URI1: variants seen among roughly 807,000 people sequenced by gnomAD.
The protein encoded by URI1 is URI1 prefoldin like chaperone.
URI1 carries 39 observed loss-of-function variants against 60.2 expected under a neutral mutation model. The observed-to-expected ratio is 0.65, with a 90% confidence interval of 0.50 to 0.85. The LOEUF (loss-of-function observed/expected upper bound fraction) is 0.85, where lower values mean the gene tolerates loss of function less well. URI1 is among the 40% of genes least tolerant of loss of function. The pLI is 0.00. For synonymous variants in URI1, 251 were observed against 236.8 expected (o/e 1.06, Z -0.55); for missense variants, 691 against 665.9 (o/e 1.04, Z -0.42).
chr19:29,964,199 T>A (rs1327545606), intron 1 of URI1, among the ~76,000 whole-genome samples: 2 of 152,152 alleles, frequency 1.3e-5, no homozygotes, highest in Admixed American at 1.3e-4. Flanking sequence ...TCCACAGTTC[T>A]CCCCTCTCTG....
chr19:29,936,247 G>A (rs543070623), intron 1 of URI1, among the ~76,000 whole-genome samples: 2 of 152,114 alleles, frequency 1.3e-5, no homozygotes, highest in African/African-American at 4.8e-5. Flanking sequence ...AGGATTACAG[G>A]TGCCCACCAC....
intron 1 of URI1, among the ~76,000 whole-genome samples, chr19:29,926,874 C>G (rs562091665): frequency 2.4e-4 from 36 of 152,260 alleles, no homozygotes; most frequent in African/African-American, 8.4e-4. Flanking sequence ...CAAGGGATGA[C>G]GTGCCTGTCT....
At chr19:29,949,014 C>G (rs2055139279) in intron 1 of URI1, among the ~76,000 whole-genome samples, 1 of 142,274 alleles carries the variant, frequency 7.0e-6, no homozygotes, top group Admixed American at 6.9e-5. Flanking sequence ...GGGCTGCCCC[C>G]CGCCTCCCTC....
At chr19:30,001,112 T>C (rs1363143923) in intron 4 of URI1, among the ~76,000 whole-genome samples, 6 of 151,836 alleles carry the variant, frequency 4.0e-5, no homozygotes, top group Non-Finnish European at 5.9e-5. Context: ...TCCATGTTTC[T>C]TTTTTCTTCT....
chr19:29,985,086 C>A, intron 2 of URI1, 137 bp from the exon 3 acceptor site: 1 of 741,200 alleles, frequency 1.3e-6, no homozygotes, highest in Non-Finnish European at 2.0e-6. Context: ...CGCCACTGCA[C>A]TTTAGCCTGG....
In URI1 at chr19:29,985,268, C is replaced by A; in HGVS notation, c.198C>A (p.Ser66Arg). Residue 66 changes from serine to arginine, a missense_variant, in exon 3 of 11, where the codon AGC becomes AGA. Coordinates refer to ENST00000392271, the MANE Select transcript of URI1 (RefSeq NM_003796.3). Reference protein sequence around the residue: ...NDYNALRERLSTLPDKLSYNI... With the variant: ...NDYNALRERLRTLPDKLSYNI... ...ATAATGCCCTTCGAGAAAGACTCAG[C>A]ACCTTGCCTGATAAATTGTCTTATA... 2 of 1,610,388 alleles carry A rather than the reference C, an allele frequency of 1.2e-6. No individual in the cohort carries two copies. Among genetic ancestry groups the A allele is most frequent in the Non-Finnish European group, 8.5e-7 (1 of 1,178,282 alleles).
intron 3 of URI1, 73 bp downstream of exon 3, chr19:29,985,374 A>ATCGG: frequency 7.6e-7 from 1 of 1,320,338 alleles, no homozygotes; most frequent in Non-Finnish European, 1.1e-6. Flanking sequence ...CGGTTCACAG[A>ATCGG]ATGTCAGGCT....
At chr19:29,930,105 T>C (rs1057330161) in intron 1 of URI1, among the ~76,000 whole-genome samples, 1 of 151,796 alleles carries the variant, frequency 6.6e-6, no homozygotes, top group Non-Finnish European at 1.5e-5. Flanking sequence ...ACCAGGCTAA[T>C]TTTTTGTATT....
chr19:29,975,845 T>C (rs1199477690), intron 2 of URI1, among the ~76,000 whole-genome samples: 2 of 152,170 alleles, frequency 1.3e-5, no homozygotes, highest in Non-Finnish European at 2.9e-5. Context: ...TTTTTACCAA[T>C]TTCTCATAAA....
chr19:29,984,037 A>C (rs541392368), intron 2 of URI1, among the ~76,000 whole-genome samples: 1 of 152,284 alleles, frequency 6.6e-6, no homozygotes, highest in South Asian at 2.1e-4. Flanking sequence ...TTTTCAGCCT[A>C]AGGTTTTCTG....
Position 30,011,096 on chromosome 19 carries a change from C to T in URI1, c.1038C>T (p.Val346=). 3.8e-6 allele frequency: 6 copies of T among 1,596,378 alleles called. No homozygotes were observed. Among genetic ancestry groups the T allele is most frequent in the Non-Finnish European group, 5.1e-6 (6 of 1,174,922 alleles). The change falls in exon 9 of 11, where the codon GTC becomes GTT. Residue 346 remains valine (V), a splice_region_variant and synonymous_variant. Coordinates refer to ENST00000392271, the MANE Select transcript of URI1 (RefSeq NM_003796.3). The part of the protein sequence containing the change: ...YFSHTVEPKR[V]RINTGKNTTL... ...AATTTCTTGCTCTGAAATTTTAGGT[C>T]CGAATAAATACTGGAAAGAATACCA...
intron 2 of URI1, among the ~76,000 whole-genome samples, chr19:29,977,447 G>A: frequency 6.6e-6 from 1 of 151,644 alleles, no homozygotes; most frequent in South Asian, 2.1e-4. Context: ...ACAGTGTTAG[G>A]TAGATTTGTA....
chr19:29,948,386 A>G (rs2055128563), intron 1 of URI1, among the ~76,000 whole-genome samples: 3 of 152,190 alleles, frequency 2.0e-5, no homozygotes, highest in Non-Finnish European at 2.9e-5. Flanking sequence ...TGCTTTTATC[A>G]GATTAAGGAA....
chr19:29,941,682 T>C (rs2055025860), upstream of URI1, among the ~76,000 whole-genome samples: 3 of 151,558 alleles, frequency 2.0e-5, no homozygotes, highest in Admixed American at 1.3e-4. Context: ...AATTTCTTAG[T>C]CCATTCATAG....
intron 4 of URI1, among the ~76,000 whole-genome samples, chr19:30,004,742 T>C (rs2055918906): frequency 1.3e-5 from 2 of 152,066 alleles, no homozygotes; most frequent in Admixed American, 1.3e-4. Context: ...ACTTGTTGCA[T>C]TTGTCCAGTA....
chr19:29,971,711 G>A (rs2055400409), intron 2 of URI1, among the ~76,000 whole-genome samples: 1 of 149,626 alleles, frequency 6.7e-6, no homozygotes, highest in African/African-American at 2.5e-5. Context: ...TTAAGAGAGA[G>A]CATATCTATT....
chr19:29,942,234 G>T (rs567950993), upstream of URI1: 78 of 984,718 alleles, frequency 7.9e-5, no homozygotes, highest in African/African-American at 1.3e-3. Context: ...CGCGAGAGGC[G>T]GGGCGTGTGG....
At chr19:29,959,158 C>G (rs2055289379) in intron 1 of URI1, among the ~76,000 whole-genome samples, 4 of 152,090 alleles carry the variant, frequency 2.6e-5, no homozygotes, top group Admixed American at 2.6e-4. Context: ...AACAGAATCT[C>G]GCTCTCATCC....
At chr19:29,956,506 T>C in intron 1 of URI1, 2 of 1,582,734 alleles carry the variant, frequency 1.3e-6, no homozygotes, top group Non-Finnish European at 1.7e-6. Flanking sequence ...TGTGGGTTGC[T>C]GAATCAAAGC....
Sources: gnomAD v4.1 joint callset for allele counts (sites outside exome capture counted in the v4.1 genomes callset) on GRCh38, gnomAD v4.1.1 for gene constraint, MANE v1.5 for transcripts, NCBI Gene and HGNC (gene_info 2026-07-23, HGNC 2026-07-21) for gene names.